ACAD11: variants seen among roughly 807,000 people sequenced by gnomAD.
The protein encoded by ACAD11 is acyl-Coenzyme A dehydrogenase family, member 11.
ACAD11 carries 83 observed loss-of-function variants against 102.2 expected under a neutral mutation model. The observed-to-expected ratio is 0.81, with a 90% CI of 0.68 to 0.97. The LOEUF (loss-of-function observed/expected upper bound fraction) is 0.97. ACAD11 is among the 50% of genes least tolerant of loss of function. The pLI, the probability that ACAD11 is intolerant of heterozygous loss-of-function variation, is 0.00. For synonymous variants in ACAD11, 324 were observed against 319.8 expected (o/e 1.01, Z -0.14); for missense variants, 901 against 951.7 (o/e 0.95, Z 0.70).
intron 11 of ACAD11, among the ~76,000 whole-genome samples, chr3:132,612,642 C>A (rs992451536): frequency 1.3e-5 from 2 of 152,034 alleles, no homozygotes; most frequent in African/African-American, 4.8e-5. Flanking sequence ...TCATCACTGG[C>A]TATCAGAGAA....
At chr3:132,659,459 G>A in intron 1 of ACAD11, 144 bp downstream of exon 1, 1 of 1,171,708 alleles carries the variant, frequency 8.5e-7, no homozygotes, top group East Asian at 2.8e-5. Context: ...GCCGGCAATA[G>A]CAGCTCATGC....
intron 13 of ACAD11, among the ~76,000 whole-genome samples, chr3:132,585,527 A>G (rs1937774282): frequency 6.6e-6 from 1 of 152,242 alleles, no homozygotes; most frequent in African/African-American, 2.4e-5. Flanking sequence ...GCACAGCAAA[A>G]GAAACTACCA....
At chr3:132,605,364 ATGT>A in intron 11 of ACAD11, among the ~76,000 whole-genome samples, 159 bp from the exon 12 acceptor site, 1 of 152,250 alleles carries the variant, frequency 6.6e-6, no homozygotes, top group Non-Finnish European at 1.5e-5. Context: ...TACTGACAGC[ATGT>A]CATAAATATT....
chr3:132,641,732 A>G (rs538953826), intron 4 of ACAD11, among the ~76,000 whole-genome samples: 19 of 141,582 alleles, frequency 1.3e-4, no homozygotes, highest in South Asian at 2.3e-4. Context: ...AGAAGAAGAA[A>G]AAACTGTATA....
At chr3:132,632,115 G>C (rs1015619112) in intron 5 of ACAD11, among the ~76,000 whole-genome samples, 9 of 147,840 alleles carry the variant, frequency 6.1e-5, no homozygotes, top group African/African-American at 1.3e-4. Flanking sequence ...ACGGAGTCTC[G>C]CTCTGTCTCC....
At chr3:132,634,877 G>A (rs1940210483) in intron 5 of ACAD11, among the ~76,000 whole-genome samples, 1 of 138,170 alleles carries the variant, frequency 7.2e-6, no homozygotes, top group Middle Eastern at 3.3e-3. Context: ...GACACAGGAA[G>A]GGGAACATCA....
intron 11 of ACAD11, among the ~76,000 whole-genome samples, chr3:132,613,510 C>A (rs1939260354): frequency 1.3e-5 from 2 of 151,994 alleles, no homozygotes; most frequent in South Asian, 4.1e-4. Flanking sequence ...CTGGCCAGGG[C>A]AATCAGGCAA....
intron 17 of ACAD11, among the ~76,000 whole-genome samples, chr3:132,570,982 T>G (rs1937359152): frequency 6.6e-6 from 1 of 152,222 alleles, no homozygotes. Context: ...CACACGCATG[T>G]GTCTTTAACG....
At chr3:132,584,272 G>C (rs1171089666) in intron 13 of ACAD11, among the ~76,000 whole-genome samples, 1 of 152,178 alleles carries the variant, frequency 6.6e-6, no homozygotes, top group Non-Finnish European at 1.5e-5. Context: ...ATTTAGGATA[G>C]TTAGTTCTTC....
At chr3:132,634,883 C>T (rs1940210813) in intron 5 of ACAD11, among the ~76,000 whole-genome samples, 1 of 129,352 alleles carries the variant, frequency 7.7e-6, no homozygotes, top group African/African-American at 2.9e-5. Context: ...GGAAGGGGAA[C>T]ATCACACACT....
At chr3:132,650,399 A>G (rs1310198530) in intron 1 of ACAD11, 1 of 152,222 alleles carries the variant, frequency 6.6e-6, no homozygotes, top group Non-Finnish European at 1.5e-5. Flanking sequence ...ATGACTACAG[A>G]AACAGAATAA....
In ACAD11 at chr3:132,559,078, T is replaced by C. The variant is rs928364027; in HGVS notation, c.2236A>G (p.Ile746Val). ...TCTGCTAAACGCAAAACTCGGGTTA[T>C]AGCATACCTGAAAAAGCAAAAGAAT... ...QDYPLANMYA[I>V]TRVLRLADGP... is the part of the protein sequence containing the mutation. Residue 746 changes from isoleucine (I) to valine (V), a missense_variant, in exon 20 of 20, where the codon ATA becomes GTA. Transcript: ENST00000264990. 7 of 1,612,030 alleles carry C rather than the reference T, an allele frequency of 4.3e-6. No homozygotes were observed. The highest frequency in any genetic ancestry group is 2.2e-5 in the East Asian group (1 of 44,856).
rs1327269792 is a variant in ACAD11 at position 132,559,119 on chromosome 3, G to T, written c.2229-34C>A. On this transcript the variant is annotated intron_variant, in intron 19 of 19. Coordinates refer to ENST00000264990, the MANE Select transcript of ACAD11 (RefSeq NM_032169.5). ...GCAAAAGAATCAGGGAACACAGGGA[G>T]TTATGGAAGAGGAACATGATACTTT... 3 of 1,434,738 alleles carry T rather than the reference G, an allele frequency of 2.1e-6. No individual in the cohort carries two copies. The Admixed American group carries it at 5.1e-5, about 24-fold the overall frequency. The allele number at this position is 1,434,738 out of a possible 1,614,324, so 88.9% of individuals were successfully genotyped here.
chr3:132,604,604 G>A (rs1938758516), intron 12 of ACAD11, among the ~76,000 whole-genome samples: 1 of 152,056 alleles, frequency 6.6e-6, no homozygotes, highest in Admixed American at 6.6e-5. Flanking sequence ...ATGTACAAAT[G>A]ATATTAAATC....
At position 132,559,105 on chromosome 3, in the gene ACAD11, A is replaced by G. The variant is rs777508850; in HGVS notation, c.2229-20T>C. 6.6e-7 allele frequency: 1 copy of G among 1,517,718 alleles called. No homozygotes were observed. The highest frequency in any genetic ancestry group is 1.1e-5 in the South Asian group (1 of 88,994). 94.0% of individuals were successfully genotyped at this position (1,517,718 alleles called of 1,614,324 possible). ...GCATACCTGAAAAAGCAAAAGAATC[A>G]GGGAACACAGGGAGTTATGGAAGAG... On this transcript the variant is annotated intron_variant, in intron 19 of 19. Transcript: ENST00000264990.
chr3:132,617,541 C>G (rs1345245641), intron 11 of ACAD11, among the ~76,000 whole-genome samples: 2 of 152,178 alleles, frequency 1.3e-5, no homozygotes, highest in Non-Finnish European at 2.9e-5. Flanking sequence ...TACTTATCAT[C>G]CACTACACTA....
rs572657552 is a variant in ACAD11, at chr3:132,643,064, A to C, written c.250-262T>G. The stretch of plus-strand genomic sequence containing the variant: ...TGCATGAGACTTAATCCTGGCTCTG[A>C]TAATGTGAAGGCAATAGTTACTGTT... On this transcript the variant is annotated intron_variant, in intron 2 of 19. Transcript: ENST00000264990. Among the ~76,000 whole-genome samples, 8 of 152,330 alleles carry C rather than the reference A, an allele frequency of 5.3e-5. No homozygotes were observed. In the South Asian group the frequency reaches 1.7e-3, roughly 32 times the overall value.
chr3:132,570,837 C>A (rs1474245598), intron 17 of ACAD11, among the ~76,000 whole-genome samples: 1 of 152,056 alleles, frequency 6.6e-6, no homozygotes, highest in Admixed American at 6.6e-5. Flanking sequence ...CAAAAGAAAT[C>A]AACTTATTCT....
chr3:132,613,897 C>A (rs185468959), intron 11 of ACAD11, among the ~76,000 whole-genome samples: 1 of 151,752 alleles, frequency 6.6e-6, no homozygotes, highest in African/African-American at 2.4e-5. Flanking sequence ...GAGACTCCAT[C>A]TCAAAAAAGA....
Sources: allele counts gnomAD v4.1 joint callset (sites outside exome capture counted in the v4.1 genomes callset), GRCh38; gene constraint gnomAD v4.1.1; transcripts MANE v1.5; gene names NCBI Gene and HGNC (gene_info 2026-07-23, HGNC 2026-07-21).